PTPRD: variants seen among roughly 807,000 people sequenced by gnomAD.
PTPRD encodes the protein receptor-type tyrosine-protein phosphatase delta.
A neutral mutation model predicts 214.5 loss-of-function variants in PTPRD; 34 were observed. The ratio of observed to expected loss-of-function variants is 0.16; its 90% CI spans 0.12 to 0.21. The LOEUF (loss-of-function observed/expected upper bound fraction) is 0.21. Among genes scored for constraint, PTPRD ranks in the 10% least tolerant of loss-of-function variants. The pLI, the probability that PTPRD is intolerant of heterozygous loss-of-function variation, is 1.00. For synonymous variants in PTPRD, 1,128 were observed against 845.7 expected (o/e 1.33, Z -5.79); for missense variants, 2,545 against 2,398.7 (o/e 1.06, Z -1.27).
intron 3 of PTPRD, among the ~76,000 whole-genome samples, chr9:10,287,852 G>C (rs561544577): frequency 6.6e-6 from 1 of 152,060 alleles, no homozygotes; most frequent in East Asian, 2.0e-4. Flanking sequence ...CGATTCTTCA[G>C]CCAAAATGAC....
chr9:9,945,713 T>C (rs527503541), intron 4 of PTPRD, among the ~76,000 whole-genome samples: 4 of 152,108 alleles, frequency 2.6e-5, no homozygotes, highest in Non-Finnish European at 4.4e-5. Flanking sequence ...TACCTACATA[T>C]ATTATTTTCA....
intron 3 of PTPRD, among the ~76,000 whole-genome samples, chr9:10,190,135 G>T (rs1024804920): frequency 2.0e-5 from 3 of 152,014 alleles, no homozygotes; most frequent in Non-Finnish European, 2.9e-5. Context: ...GGGAGGCTGA[G>T]GGGGGTGGAT....
intron 10 of PTPRD, among the ~76,000 whole-genome samples, chr9:9,162,087 A>C (rs981634821): frequency 6.6e-6 from 1 of 152,120 alleles, no homozygotes; most frequent in African/African-American, 2.4e-5. Flanking sequence ...TTTCTTGCCA[A>C]TATCTGACTA....
intron 5 of PTPRD, among the ~76,000 whole-genome samples, chr9:9,777,325 G>GCA (rs34617348): frequency 0.04 from 5,682 of 143,184 alleles, 121 homozygotes; most frequent in Middle Eastern, 0.071. Flanking sequence ...GCACATACAT[G>GCA]CACACACACA....
intron 14 of PTPRD, among the ~76,000 whole-genome samples, chr9:8,603,935 G>A (rs1035408787): frequency 6.6e-6 from 1 of 152,150 alleles, no homozygotes; most frequent in African/African-American, 2.4e-5. Context: ...ACTATAATGT[G>A]TTTCCTATCA....
intron 44 of PTPRD, among the ~76,000 whole-genome samples, chr9:8,328,537 C>T (rs1218104435): frequency 6.6e-6 from 1 of 152,094 alleles, no homozygotes; most frequent in Non-Finnish European, 1.5e-5. Context: ...TAGTGGTGTT[C>T]TCAGTATTTC....
At chr9:9,141,918 G>GCT (rs1241030521) in intron 10 of PTPRD, among the ~76,000 whole-genome samples, 2 of 152,008 alleles carry the variant, frequency 1.3e-5, no homozygotes, top group African/African-American at 4.8e-5. Flanking sequence ...AATAGTTTTG[G>GCT]CTTTCTCATG....
At chr9:9,452,653 G>T (rs1395360560) in intron 8 of PTPRD, among the ~76,000 whole-genome samples, 1 of 151,026 alleles carries the variant, frequency 6.6e-6, no homozygotes, top group African/African-American at 2.4e-5. Flanking sequence ...TAAATAGAAA[G>T]GATTTGCTAA....
At chr9:8,857,697 TCCTCCAGCGCCTTCGCGCC>T (rs1348967225) in intron 11 of PTPRD, 3 of 158,486 alleles carry the variant, frequency 1.9e-5, no homozygotes, top group Non-Finnish European at 2.7e-5. Flanking sequence ...GCCAACACTT[TCCTCCAGCGCCTTCGCGCC>T]CCGCCACGGC....
At chr9:8,594,860 C>CCTTA (rs1491450284) in intron 14 of PTPRD, among the ~76,000 whole-genome samples, 3 of 130,584 alleles carry the variant, frequency 2.3e-5, no homozygotes, top group Non-Finnish European at 4.8e-5. Context: ...TGTTTAACCC[C>CCTTA]TTTTTTTTTT....
Position 8,832,410 on chromosome 9 carries a change from C to CTTTTTTTTTTTTTTTTTTTTTTTTTTT in PTPRD, c.-103-98465_-103-98464insAAAAAAAAAAAAAAAAAAAAAAAAAAA, listed in dbSNP as rs5896262. Among the ~76,000 whole-genome samples, 2 of 127,970 alleles carry CTTTTTTTTTTTTTTTTTTTTTTTTTTT rather than the reference C, an allele frequency of 1.6e-5. 1 individual carries two copies. The highest frequency in any genetic ancestry group is 3.2e-5 in the Non-Finnish European group (2 of 62,082). The allele number at this position is 127,970 out of a possible 152,430, so 84.0% of individuals were successfully genotyped here. A position where few individuals can be genotyped will look rare whatever the true frequency, so the allele number is the denominator to read the frequency against. ...TAAAGCAAGGGGCAGCTAAAATCAT[C>CTTTTTTTTTTTTTTTTTTTTTTTTTTT]TTTTTTTTTTTTTTTTTTTGTCAAA... On this transcript the variant is annotated intron_variant, in intron 11 of 45. Coordinates refer to ENST00000381196, the MANE Select transcript of PTPRD (RefSeq NM_002839.4).
intron 7 of PTPRD, among the ~76,000 whole-genome samples, chr9:9,679,988 A>G (rs1462058586): frequency 2.0e-5 from 3 of 151,978 alleles, no homozygotes; most frequent in Non-Finnish European, 2.9e-5. Context: ...GCTTTTGAAT[A>G]TAATTTGTTT....
chr9:10,238,565 T>C (rs921359994), intron 3 of PTPRD, among the ~76,000 whole-genome samples: 2 of 151,914 alleles, frequency 1.3e-5, no homozygotes, highest in African/African-American at 4.8e-5. Context: ...TATATTTTGA[T>C]GTTGACTTTA....
chr9:10,191,754 C>T (rs923978434), intron 3 of PTPRD, among the ~76,000 whole-genome samples: 2 of 152,132 alleles, frequency 1.3e-5, no homozygotes, highest in African/African-American at 4.8e-5. Flanking sequence ...TCAGTGTTCT[C>T]ATAGTATTTT....
At chr9:9,929,068 G>T (rs1228377128) in intron 5 of PTPRD, among the ~76,000 whole-genome samples, 1 of 152,046 alleles carries the variant, frequency 6.6e-6, no homozygotes, top group African/African-American at 2.4e-5. Flanking sequence ...GTAGATAATT[G>T]AGCCTAAGCA....
At chr9:8,712,187 C>T (rs1215680343) in intron 12 of PTPRD, among the ~76,000 whole-genome samples, 1 of 152,096 alleles carries the variant, frequency 6.6e-6, no homozygotes, top group Admixed American at 6.6e-5. Flanking sequence ...TATCACATAA[C>T]TATATTGAAG....
At chr9:8,698,853 C>A (rs1325655258) in intron 12 of PTPRD, among the ~76,000 whole-genome samples, 1 of 152,064 alleles carries the variant, frequency 6.6e-6, no homozygotes, top group Non-Finnish European at 1.5e-5. Context: ...TCTTAACATG[C>A]CCAATAAATA....
chr9:9,905,848 G>T (rs540154753), intron 5 of PTPRD, among the ~76,000 whole-genome samples: 8 of 152,072 alleles, frequency 5.3e-5, no homozygotes, highest in African/African-American at 1.9e-4. Flanking sequence ...GAACATAGGG[G>T]CCTAAGGTAT....
At chr9:9,503,193 A>T (rs1407768838) in intron 8 of PTPRD, among the ~76,000 whole-genome samples, 1 of 151,668 alleles carries the variant, frequency 6.6e-6, no homozygotes, top group Non-Finnish European at 1.5e-5. Context: ...CTCCTTTTTG[A>T]GAGTTATTCT....
Sources: allele counts gnomAD v4.1 joint callset (sites outside exome capture counted in the v4.1 genomes callset), GRCh38; gene constraint gnomAD v4.1.1; transcripts MANE v1.5; gene names NCBI Gene and HGNC (gene_info 2026-07-23, HGNC 2026-07-21).